Variants in LRRC8C observed in about 807,000 individuals in gnomAD.
The protein encoded by LRRC8C is volume-regulated anion channel subunit LRRC8C.
Under a neutral mutation model 55.3 loss-of-function variants are expected in LRRC8C, and 20 were observed. The observed-to-expected ratio is 0.36, with a 90% CI of 0.25 to 0.53. The LOEUF is 0.53. LRRC8C is among the 20% of genes least tolerant of loss of function. The probability of loss-of-function intolerance (pLI) is 0.92; values close to 1 mark genes in which losing one functional copy is unlikely to be tolerated. For missense variants in LRRC8C, 659 were observed against 951.4 expected, an observed-to-expected ratio of 0.69 and a Z score of 4.04; for synonymous variants, 376 against 360.7, an observed-to-expected ratio of 1.04 and a Z score of -0.48.
chr1:89,711,221 T>G (rs1289948963), intron 2 of LRRC8C, among the ~76,000 whole-genome samples: 1 of 152,262 alleles, frequency 6.6e-6, no homozygotes, highest in East Asian at 1.9e-4. Context: ...TGGTCTTCCA[T>G]GTACCAGACA....
At chr1:89,695,924 G>T (rs916904868) in intron 2 of LRRC8C, among the ~76,000 whole-genome samples, 4 of 152,164 alleles carry the variant, frequency 2.6e-5, no homozygotes, top group Non-Finnish European at 2.9e-5. Context: ...GAAAAAAATG[G>T]TGATAAAATA....
chr1:89,669,145 A>G (rs971898884), intron 1 of LRRC8C, among the ~76,000 whole-genome samples: 3 of 152,214 alleles, frequency 2.0e-5, no homozygotes, highest in African/African-American at 7.2e-5. Context: ...ATGTGACAAC[A>G]TGGATGAATG....
In LRRC8C at chr1:89,656,997, G is replaced by C. The variant is rs995431762; in HGVS notation, c.-5+23675G>C. Among the ~76,000 whole-genome samples, 46 of 152,216 alleles carry C rather than the reference G, an allele frequency of 3.0e-4. 2 individuals carry two copies. The highest frequency in any genetic ancestry group is 9.9e-4 in the African/African-American group (41 of 41,452). On this transcript the variant is annotated intron_variant, in intron 1 of 2. Coordinates refer to ENST00000370454, the MANE Select transcript of LRRC8C (RefSeq NM_032270.5). ...ATAACCTGCCCAAAGTCACTAGCTA[G>C]TAGCCATAGAGCTAGATTTCAAACC...
the LRRC8C span, among the ~76,000 whole-genome samples, chr1:89,617,657 A>G: frequency 6.6e-6 from 1 of 152,194 alleles, no homozygotes; most frequent in Admixed American, 6.5e-5. Flanking sequence ...ATTGGCACAG[A>G]TTAAGGGACA....
chr1:89,636,087 G>A (rs1413629286), intron 1 of LRRC8C, among the ~76,000 whole-genome samples: 2 of 152,206 alleles, frequency 1.3e-5, no homozygotes, highest in African/African-American at 2.4e-5. Context: ...CAGTAGGAGT[G>A]CAAATGAGGT....
Position 89,715,045 on chromosome 1 carries a change from T to A in LRRC8C, c.*63T>A. The stretch of plus-strand genomic sequence containing the variant: ...ACCAAATACAGTATAAATAATTAGG[T>A]AGTCTTAATGCCTTTCCTATTTTTT... On this transcript the variant is annotated 3_prime_UTR_variant, in exon 3 of 3. Coordinates refer to ENST00000370454, the MANE Select transcript of LRRC8C (RefSeq NM_032270.5). 8.7e-7 allele frequency: 1 copy of A among 1,152,676 alleles called. No homozygotes were observed. Among genetic ancestry groups the A allele is most frequent in the Non-Finnish European group, 1.2e-6 (1 of 829,188 alleles). The allele number at this position is 1,152,676 out of a possible 1,614,324, so 71.4% of individuals were successfully genotyped here. A position where few individuals can be genotyped will look rare whatever the true frequency, so the allele number is the denominator to read the frequency against.
intron 1 of LRRC8C, among the ~76,000 whole-genome samples, chr1:89,642,795 T>C (rs891910259): frequency 2.5e-4 from 38 of 150,468 alleles, no homozygotes; most frequent in African/African-American, 9.3e-4. Flanking sequence ...TGCAGTGAGC[T>C]GAGATCATGC....
intron 2 of LRRC8C, among the ~76,000 whole-genome samples, chr1:89,705,182 C>T (rs1252152678): frequency 2.0e-5 from 3 of 146,658 alleles, no homozygotes; most frequent in African/African-American, 7.6e-5. Context: ...AACAAAAAAC[C>T]AAACACCGCA....
the LRRC8C span, among the ~76,000 whole-genome samples, chr1:89,617,530 A>AT: frequency 6.6e-6 from 1 of 152,218 alleles, no homozygotes; most frequent in Non-Finnish European, 1.5e-5. Context: ...CATTGCAGCT[A>AT]TGCTATACAA....
intron 1 of LRRC8C, among the ~76,000 whole-genome samples, chr1:89,675,960 T>G (rs1232010910): frequency 6.6e-6 from 1 of 152,262 alleles, no homozygotes; most frequent in African/African-American, 2.4e-5. Context: ...TAATCGTTTA[T>G]GAACAGTTTT....
intron 1 of LRRC8C, among the ~76,000 whole-genome samples, chr1:89,660,531 TC>T (rs1380063828): frequency 6.6e-6 from 1 of 152,082 alleles, no homozygotes; most frequent in East Asian, 1.9e-4. Context: ...AGGTTTTATT[TC>T]CCCCCAGATG....
chr1:89,677,452 A>G (rs1657582856), intron 1 of LRRC8C, among the ~76,000 whole-genome samples: 1 of 152,260 alleles, frequency 6.6e-6, no homozygotes, highest in Admixed American at 6.5e-5. Flanking sequence ...TTGTCAAATA[A>G]GAAACATGAA....
At chr1:89,627,453 A>G in the LRRC8C span, among the ~76,000 whole-genome samples, 1 of 152,136 alleles carries the variant, frequency 6.6e-6, no homozygotes, top group Non-Finnish European at 1.5e-5. Context: ...GTTTGCTTTC[A>G]GTTGTAAAGT....
chr1:89,619,513 T>C, the LRRC8C span, among the ~76,000 whole-genome samples: 1 of 150,174 alleles, frequency 6.7e-6, no homozygotes, highest in Admixed American at 6.6e-5. Flanking sequence ...TTATATGTAA[T>C]ATTAATTCAG....
rs907376010 is a variant in LRRC8C, at chr1:89,718,277, T to C, written c.*3295T>C. The C allele has an allele frequency of 1.3e-5, 2 of 152,210 alleles. No homozygotes were observed. Among genetic ancestry groups the C allele is most frequent in the African/African-American group, 4.8e-5 (2 of 41,456 alleles). 9.4% of individuals were successfully genotyped at this position (152,210 alleles called of 1,614,324 possible). A position where few individuals can be genotyped will look rare whatever the true frequency, so the allele number is the denominator to read the frequency against. ...ATCGTATGCAGTAGGTACTGCTTTT[T>C]CAGAAAGACCTGGAAAACATACCTG... On this transcript the variant is annotated 3_prime_UTR_variant, in exon 3 of 3. Transcript: ENST00000370454.
intron 2 of LRRC8C, 22 bp downstream of exon 2, chr1:89,686,633 A>C: frequency 6.2e-7 from 1 of 1,612,948 alleles, no homozygotes. Context: ...GATCCCTGGC[A>C]AAATGGGGGC....
At chr1:89,629,744 T>C (rs1656057821), upstream of LRRC8C, 1 of 152,218 alleles carries the variant, frequency 6.6e-6, no homozygotes, top group Non-Finnish European at 1.5e-5. Flanking sequence ...GACTCTGTAG[T>C]GAAGAGGCAT....
intron 1 of LRRC8C, among the ~76,000 whole-genome samples, chr1:89,655,516 A>T (rs1656919298): frequency 1.3e-5 from 2 of 152,226 alleles, no homozygotes; most frequent in African/African-American, 4.8e-5. Flanking sequence ...ATAACAGAAT[A>T]CCAAGACTGG....
chr1:89,620,613 C>T, the LRRC8C span, among the ~76,000 whole-genome samples: 1 of 150,682 alleles, frequency 6.6e-6, no homozygotes, highest in Admixed American at 6.6e-5. Context: ...CGATTTCCTA[C>T]TGGGTCTACA....
Sources: gnomAD v4.1 joint callset for allele counts (sites outside exome capture counted in the v4.1 genomes callset) on GRCh38, gnomAD v4.1.1 for gene constraint, MANE v1.5 for transcripts, NCBI Gene and HGNC (gene_info 2026-07-23, HGNC 2026-07-21) for gene names.